CLCN3: variants seen among roughly 807,000 people sequenced by gnomAD.
CLCN3 encodes H(+)/Cl(-) exchange transporter 3.
CLCN3 carries 16 observed loss-of-function variants against 83.4 expected under a neutral mutation model. That is an observed-to-expected ratio of 0.19 (90% CI 0.13 to 0.29). The LOEUF (loss-of-function observed/expected upper bound fraction) is 0.29, where lower values mean the gene tolerates loss of function less well. Ranked by LOEUF, CLCN3 falls within the 10% of genes least tolerant of loss-of-function variation. The pLI is 1.00. For synonymous variants in CLCN3, 322 were observed against 346.2 expected (o/e 0.93, Z 0.78); for missense variants, 544 against 1,006.0 (o/e 0.54, Z 6.21).
In CLCN3 at chr4:169,714,913, A is replaced by G. The variant is rs982011224; in HGVS notation, c.2366+1618A>G. 5.3e-5 allele frequency among the ~76,000 whole-genome samples: 8 copies of G among 152,236 alleles called. 1 individual carries two copies. The highest frequency in any genetic ancestry group is 5.2e-4 in the Admixed American group (8 of 15,296). ...TAATATTGTTTGATTAAATGATGGC[A>G]CCGACTTCATTAAGTTTAAAAACTC... On this transcript the variant is annotated intron_variant, in intron 12 of 12. Transcript: ENST00000513761.
At chr4:169,681,836 C>G (rs1226361419) in intron 3 of CLCN3, among the ~76,000 whole-genome samples, 1 of 152,150 alleles carries the variant, frequency 6.6e-6, no homozygotes, top group Non-Finnish European at 1.5e-5. Flanking sequence ...TGTTATAAAT[C>G]TCATTATTGT....
In CLCN3 at chr4:169,695,707, T is replaced by C; in HGVS notation, c.1017+15T>C. ...GCCTGGAAGAGGTAGGTGAAAAGAA[T>C]ACAACAATTAAAATTATATATAATT... On this transcript the variant is annotated intron_variant, in intron 8 of 12. Coordinates refer to ENST00000513761, the MANE Select transcript of CLCN3 (RefSeq NM_001829.4). The C allele has an allele frequency of 6.5e-7, 1 of 1,537,242 alleles. No individual in the cohort carries two copies. Among genetic ancestry groups the C allele is most frequent in the African/African-American group, 1.4e-5 (1 of 73,076 alleles).
chr4:169,672,256 A>AGATAGATG (rs1445756252), intron 2 of CLCN3, among the ~76,000 whole-genome samples: 2 of 151,992 alleles, frequency 1.3e-5, no homozygotes, highest in East Asian at 3.9e-4. Context: ...ATAGATAGAT[A>AGATAGATG]GATAAAATGA....
At chr4:169,640,047 T>C (rs1209746920) in intron 2 of CLCN3, among the ~76,000 whole-genome samples, 1 of 152,214 alleles carries the variant, frequency 6.6e-6, no homozygotes, top group Non-Finnish European at 1.5e-5. Context: ...AAATGATTGC[T>C]CTGAGAATTA....
At chr4:169,676,909 A>G (rs1581236874) in intron 2 of CLCN3, among the ~76,000 whole-genome samples, 1 of 152,120 alleles carries the variant, frequency 6.6e-6, no homozygotes, top group Non-Finnish European at 1.5e-5. Flanking sequence ...ATGTATAGCT[A>G]TAATTCTCAT....
At chr4:169,700,252 A>AGTTTGTTTGTTCGTTT (rs10688594) in intron 9 of CLCN3, among the ~76,000 whole-genome samples, 9 of 151,560 alleles carry the variant, frequency 5.9e-5, no homozygotes, top group Non-Finnish European at 1.0e-4. Flanking sequence ...CTCTTTCAGT[A>AGTTTGTTTGTTCGTTT]GTTTGTTCGT....
Position 169,639,052 on chromosome 4 carries a change from C to T in CLCN3, c.160+2964C>T, listed in dbSNP as rs767168283. ...GTGTTTTCTTTTCTTTTTTTGGAGA[C>T]AGAGTCTCGCTCTTTTGCCTAGTCT... is the stretch of plus-strand genomic sequence containing the variant. On this transcript the variant is annotated intron_variant, in intron 2 of 12. Transcript: ENST00000513761. 1.0e-3 allele frequency among the ~76,000 whole-genome samples: 153 copies of T among 152,246 alleles called. 3 individuals carry two copies. The highest frequency in any genetic ancestry group is 9.4e-4 in the Non-Finnish European group (64 of 68,008).
intron 10 of CLCN3, among the ~76,000 whole-genome samples, chr4:169,704,790 A>C (rs1349930189): frequency 6.6e-6 from 1 of 152,194 alleles, no homozygotes; most frequent in African/African-American, 2.4e-5. Flanking sequence ...TTCATATTTA[A>C]AATATCAGCT....
chr4:169,633,094 C>G (rs374815726), intron 1 of CLCN3, among the ~76,000 whole-genome samples: 2 of 152,182 alleles, frequency 1.3e-5, no homozygotes, highest in African/African-American at 4.8e-5. Context: ...CTCACTGCAA[C>G]TGCCGCCTCT....
chr4:169,689,362 C>A, intron 5 of CLCN3, 132 bp downstream of exon 5: 1 of 678,188 alleles, frequency 1.5e-6, no homozygotes, highest in Non-Finnish European at 2.3e-6. Context: ...CAACACATTG[C>A]AGCAAGAAAG....
chr4:169,643,944 A>G (rs1270398284), intron 2 of CLCN3, among the ~76,000 whole-genome samples: 3 of 152,202 alleles, frequency 2.0e-5, no homozygotes. Flanking sequence ...TGTCTGGCAA[A>G]ATCTTTAGCC....
chr4:169,710,861 A>G (rs764147367), intron 11 of CLCN3, among the ~76,000 whole-genome samples: 1 of 152,072 alleles, frequency 6.6e-6, no homozygotes, highest in African/African-American at 2.4e-5. Flanking sequence ...TATTTTAGCT[A>G]TAGTTATTAC....
Position 169,663,927 on chromosome 4 carries a change from A to G in CLCN3, c.161-16123A>G, listed in dbSNP as rs371855038. ...AGTTAGTAAATTTCTAGTGAACGAT[A>G]GAAATGATAGAAATCTCTTCTTCCC... is the stretch of plus-strand genomic sequence containing the variant. On this transcript the variant is annotated intron_variant, in intron 2 of 12. Transcript: ENST00000513761. Among the ~76,000 whole-genome samples the G allele has an allele frequency of 2.6e-5, 4 of 152,364 alleles. No individual in the cohort carries two copies. The South Asian group carries it at 8.3e-4, about 32-fold the overall frequency.
intron 4 of CLCN3, 152 bp downstream of exon 4, chr4:169,687,909 G>A (rs1376126757): frequency 1.9e-6 from 1 of 519,582 alleles, no homozygotes; most frequent in African/African-American, 2.0e-5. Flanking sequence ...AAGACTAGGA[G>A]GCAGAGGCTT....
chr4:169,663,923 C>T (rs540287082), intron 2 of CLCN3, among the ~76,000 whole-genome samples: 9 of 152,222 alleles, frequency 5.9e-5, no homozygotes, highest in South Asian at 4.1e-4. Flanking sequence ...TTCTAGTGAA[C>T]GATAGAAATG....
chr4:169,663,314 T>TG (rs1338618443), intron 2 of CLCN3, among the ~76,000 whole-genome samples: 8 of 131,104 alleles, frequency 6.1e-5, no homozygotes, highest in African/African-American at 2.5e-4. Flanking sequence ...AGTGGGTTTT[T>TG]TTGTTGTTGT....
At chr4:169,633,424 C>T (rs905754642) in intron 1 of CLCN3, among the ~76,000 whole-genome samples, 2 of 152,094 alleles carry the variant, frequency 1.3e-5, no homozygotes, top group Non-Finnish European at 2.9e-5. Flanking sequence ...GAAAAGGTGA[C>T]TTTGCATTAT....
intron 1 of CLCN3, among the ~76,000 whole-genome samples, chr4:169,626,547 G>A (rs1179269115): frequency 5.3e-5 from 8 of 152,224 alleles, no homozygotes; most frequent in Admixed American, 3.9e-4. Context: ...CTAAAGGGAA[G>A]GTCTTATGAC....
chr4:169,623,596 A>G (rs1773159957), intron 1 of CLCN3, among the ~76,000 whole-genome samples: 1 of 152,130 alleles, frequency 6.6e-6, no homozygotes, highest in Non-Finnish European at 1.5e-5. Flanking sequence ...GTGGCATGCA[A>G]TAGATCTCTA....
Sources: gnomAD v4.1 joint callset for allele counts (sites outside exome capture counted in the v4.1 genomes callset) on GRCh38, gnomAD v4.1.1 for gene constraint, MANE v1.5 for transcripts, NCBI Gene and HGNC (gene_info 2026-07-23, HGNC 2026-07-21) for gene names.